Variants in NOL8 observed in about 807,000 individuals in gnomAD.
NOL8 encodes nucleolar protein 8, also known as nucleolar protein Nop132.
Under a neutral mutation model 116.1 loss-of-function variants are expected in NOL8, and 93 were observed. That is an observed-to-expected ratio of 0.80 (90% CI 0.68 to 0.95). The LOEUF (loss-of-function observed/expected upper bound fraction) is 0.95. Among genes scored for constraint, NOL8 ranks in the 40% least tolerant of loss-of-function variants. The pLI is 0.00. For synonymous variants in NOL8, 419 were observed against 469.0 expected (o/e 0.89, Z 1.38); for missense variants, 1,291 against 1,382.8 (o/e 0.93, Z 1.05).
In NOL8 at chr9:92,315,643, CATTT is replaced by C. The variant is rs1244691544; in HGVS notation, c.978_981del (p.Ile326MetfsTer11). The C allele has an allele frequency of 6.2e-7, 1 of 1,613,004 alleles. No individual in the cohort carries two copies. The highest frequency in any genetic ancestry group is 1.3e-5 in the African/African-American group (1 of 74,912). On this transcript the variant is annotated frameshift_variant, in exon 7 of 17. Coordinates refer to ENST00000442668, the MANE Select transcript of NOL8 (RefSeq NM_017948.6). LOFTEE classifies it high-confidence loss of function. ...ACTTCAAAAGGATCACTTTCAGATT[CATTT>C]ATTGAGGGTTGTGTAGTTCTCTGTA...
rs1838846667 is a variant in NOL8 at position 92,312,095 on chromosome 9, C to T, written c.2359-836G>A. Among the ~76,000 whole-genome samples the T allele has an allele frequency of 2.0e-5, 3 of 152,234 alleles. No individual in the cohort carries two copies. The South Asian group carries it at 6.2e-4, about 32-fold the overall frequency. On this transcript the variant is annotated intron_variant, in intron 7 of 16. Coordinates refer to ENST00000442668, the MANE Select transcript of NOL8 (RefSeq NM_017948.6). The stretch of plus-strand genomic sequence containing the variant: ...GGCTACTATCCTAAACAAATTAATA[C>T]AGGAACAGAAAACCAAATACTGCAT...
At chr9:92,323,371 G>A (rs1289802245) in intron 3 of NOL8, 70 bp downstream of exon 3, 2 of 1,539,860 alleles carry the variant, frequency 1.3e-6, no homozygotes, top group East Asian at 4.8e-5. Context: ...TTTAGATTTA[G>A]AACCAGTTAT....
At chr9:92,318,556 A>G (rs746618469) in intron 6 of NOL8, 62 bp downstream of exon 6, 3 of 1,165,180 alleles carry the variant, frequency 2.6e-6, no homozygotes, top group Non-Finnish European at 3.7e-6. Flanking sequence ...GTGAAATGCT[A>G]AAGGTATTTT....
Position 92,315,413 on chromosome 9 carries a change from T to C in NOL8, c.1212A>G (p.Glu404=). The change falls in exon 7 of 17, where the codon GAA becomes GAG. Residue 404 remains glutamate (E), a synonymous_variant. Coordinates refer to ENST00000442668, the MANE Select transcript of NOL8 (RefSeq NM_017948.6). ...TGAAAGAAGTTTTCTTCGTAGATTT[T>C]TCCATTTGTGAAAATTCTGTACTGT... ...VKNSTEFSQM[E]KSTKKTSFKN... 6.3e-7 allele frequency: 1 copy of C among 1,590,340 alleles called. No individual in the cohort carries two copies. Among genetic ancestry groups the C allele is most frequent in the Non-Finnish European group, 8.6e-7 (1 of 1,166,768 alleles).
rs1405032595 is a variant in NOL8 at position 92,315,361 on chromosome 9, C to G, written c.1264G>C (p.Asp422His). 2 of 1,609,358 alleles carry G rather than the reference C, an allele frequency of 1.2e-6. No homozygotes were observed. Among genetic ancestry groups the G allele is most frequent in the Admixed American group, 1.7e-5 (1 of 59,428 alleles). The change falls in exon 7 of 17, where the codon GAT becomes CAT. Residue 422 changes from aspartate to histidine, a missense_variant. Physicochemically the swap from Asp to His is moderately conservative, Grantham distance 81. Transcript: ENST00000442668. ...FKNRENCELS[D>H]HCIKLQKRKS... ...CTTTTTTGTAGTTTAATACAGTGATCAGAAAGCTCACAGTTTTCTCTATTT... is the reference window on the plus strand; with the variant it reads ...CTTTTTTGTAGTTTAATACAGTGATGAGAAAGCTCACAGTTTTCTCTATTT...
intron 10 of NOL8, among the ~76,000 whole-genome samples, chr9:92,307,818 AT>A (rs1838411155): frequency 6.6e-6 from 1 of 152,216 alleles, no homozygotes; most frequent in South Asian, 2.1e-4. Context: ...AGGTAAAGTT[AT>A]GAGGTAGGAA....
At chr9:92,307,351 T>C (rs556783069) in intron 10 of NOL8, among the ~76,000 whole-genome samples, 1 of 152,262 alleles carries the variant, frequency 6.6e-6, no homozygotes, top group South Asian at 2.1e-4. Flanking sequence ...ACAGTGATTA[T>C]AGACTCTTTG....
At chr9:92,304,893 C>T (rs541632063) in intron 12 of NOL8, among the ~76,000 whole-genome samples, 1 of 152,214 alleles carries the variant, frequency 6.6e-6, no homozygotes, top group East Asian at 1.9e-4. Context: ...GGATACCACA[C>T]TGCCTTTTGT....
At chr9:92,309,183 A>G (rs1355948162) in intron 10 of NOL8, among the ~76,000 whole-genome samples, 1 of 152,256 alleles carries the variant, frequency 6.6e-6, no homozygotes, top group African/African-American at 2.4e-5. Context: ...TTCCTGAAAC[A>G]GTCCAACACT....
At chr9:92,301,894 G>GA (rs1201411030) in intron 12 of NOL8, 72 bp from the exon 13 acceptor site, 4 of 1,343,044 alleles carry the variant, frequency 3.0e-6, no homozygotes, top group African/African-American at 3.0e-5. Flanking sequence ...ATCAAGAAAA[G>GA]AAAAAATCTT....
At position 92,299,880 on chromosome 9, in the gene NOL8, A is replaced by G; in HGVS notation, c.3302+10T>C. On this transcript the variant is annotated intron_variant, in intron 14 of 16. Coordinates refer to ENST00000442668, the MANE Select transcript of NOL8 (RefSeq NM_017948.6). Reference sequence around the variant, plus strand: ...TATGAACTATGCCTGCAAAGAAACAAATTGTTTACCCAGGACTGGAGTTTC... The same window carrying G: ...TATGAACTATGCCTGCAAAGAAACAGATTGTTTACCCAGGACTGGAGTTTC... 3.1e-6 allele frequency: 5 copies of G among 1,611,888 alleles called. No individual in the cohort carries two copies. The highest frequency in any genetic ancestry group is 3.4e-6 in the Non-Finnish European group (4 of 1,178,878).
intron 6 of NOL8, among the ~76,000 whole-genome samples, chr9:92,316,755 A>G (rs538248104): frequency 8.1e-4 from 124 of 152,282 alleles, no homozygotes; most frequent in African/African-American, 2.7e-3. Context: ...CAGGAGTTCG[A>G]GACCAGCCTG....
intron 10 of NOL8, among the ~76,000 whole-genome samples, 186 bp from the exon 11 acceptor site, chr9:92,307,210 C>T (rs377528540): frequency 5.3e-5 from 8 of 152,164 alleles, no homozygotes; most frequent in African/African-American, 1.2e-4. Flanking sequence ...AGAAAGTCTG[C>T]GTGACCAGAC....
rs764424597 is a variant in NOL8, at chr9:92,314,516, C to T, written c.2109G>A (p.Lys703=). 10 of 1,613,538 alleles carry T rather than the reference C, an allele frequency of 6.2e-6. No individual in the cohort carries two copies. The African/African-American group carries it at 1.3e-4, about 22-fold the overall frequency. Residue 703 remains lysine, a synonymous_variant, in exon 7 of 17, where the codon AAG becomes AAA. Coordinates refer to ENST00000442668, the MANE Select transcript of NOL8 (RefSeq NM_017948.6). ...ACCGCTCTTCCTGTGAAGCTTCTGTCTTTGTGGTACTATGGCAGCTGTCTT... is the reference window on the plus strand; with the variant it reads ...ACCGCTCTTCCTGTGAAGCTTCTGTTTTTGTGGTACTATGGCAGCTGTCTT... ...FDKDSCHSTT[K]TEASQEERSD... is the part of the protein sequence containing the mutation.
intron 3 of NOL8, 189 bp downstream of exon 3, chr9:92,323,252 T>C (rs1431310199): frequency 1.3e-6 from 2 of 1,487,360 alleles, no homozygotes; most frequent in African/African-American, 1.4e-5. Context: ...AGTGCTACCA[T>C]GTCTGCTGAT....
At chr9:92,300,920 G>A (rs1306859993) in intron 13 of NOL8, 1 of 957,440 alleles carries the variant, frequency 1.0e-6, no homozygotes. Context: ...GTATTCTTCT[G>A]TATAGGTATT....
chr9:92,315,223 A>C lies in NOL8; in HGVS notation c.1402T>G (p.Ser468Ala), dbSNP rs1564230978. ...DADSASELAD[S>A]EGGEEYNAMM... ...GCATTATACTCCTCACCTCCTTCAG[A>C]GTCAGCTAATTCTGATGCAGAATCA... Residue 468 changes from serine (S) to alanine (A), a missense_variant, in exon 7 of 17, where the codon TCT (serine) becomes GCT (alanine). By Grantham distance (99) the Ser-to-Ala change is moderately conservative. Coordinates refer to ENST00000442668, the MANE Select transcript of NOL8 (RefSeq NM_017948.6). The C allele has an allele frequency of 6.2e-7, 1 of 1,614,020 alleles. No individual in the cohort carries two copies. The highest frequency in any genetic ancestry group is 2.2e-5 in the East Asian group (1 of 44,878).
chr9:92,312,739 A>C (rs940769700), intron 7 of NOL8, among the ~76,000 whole-genome samples: 4 of 148,094 alleles, frequency 2.7e-5, no homozygotes, highest in African/African-American at 9.9e-5. Context: ...AGGCAGGAGA[A>C]TTGCTTGAAC....
chr9:92,298,804 C>T (rs1837467404), intron 15 of NOL8, 80 bp downstream of exon 15: 1 of 812,502 alleles, frequency 1.2e-6, no homozygotes, highest in Admixed American at 3.2e-5. Context: ...TACCAACGGT[C>T]AAAATTCCTG....
Sources: gnomAD v4.1 joint callset for allele counts (sites outside exome capture counted in the v4.1 genomes callset) on GRCh38, gnomAD v4.1.1 for gene constraint, MANE v1.5 for transcripts, NCBI Gene and HGNC (gene_info 2026-07-23, HGNC 2026-07-21) for gene names.